FBXO36: variants seen among roughly 807,000 people sequenced by gnomAD.
FBXO36 encodes F-box protein 36.
In FBXO36, 18 loss-of-function variants were observed where a neutral mutation model predicts 17.0. The observed-to-expected ratio is 1.06, with a 90% CI of 0.73 to 1.57. The LOEUF (loss-of-function observed/expected upper bound fraction) is 1.57, where lower values mean the gene tolerates loss of function less well. Among genes scored for constraint, FBXO36 ranks in the 40% most tolerant of loss-of-function variants. The pLI, the probability that FBXO36 is intolerant of heterozygous loss-of-function variation, is 0.00. For missense variants in FBXO36, 229 were observed against 221.9 expected, an observed-to-expected ratio of 1.03 and a Z score of -0.20; for synonymous variants, 83 against 85.3, an observed-to-expected ratio of 0.97 and a Z score of 0.15.
At chr2:229,948,178 G>A (rs2077037362) in intron 1 of FBXO36, among the ~76,000 whole-genome samples, 2 of 151,978 alleles carry the variant, frequency 1.3e-5, no homozygotes, top group Non-Finnish European at 1.5e-5. Context: ...CATTTAAGAA[G>A]TTAAGGCAGA....
intron 1 of FBXO36, among the ~76,000 whole-genome samples, chr2:229,970,397 G>A (rs981444764): frequency 1.3e-5 from 2 of 152,092 alleles, no homozygotes; most frequent in African/African-American, 2.4e-5. Context: ...GGCAGAAACT[G>A]GAAACAACTC....
chr2:229,977,369 A>G (rs932504432), intron 2 of FBXO36, among the ~76,000 whole-genome samples: 2 of 152,090 alleles, frequency 1.3e-5, no homozygotes, highest in African/African-American at 2.4e-5. Context: ...TCTAAGCCCA[A>G]TTGCTTCCCA....
At chr2:230,006,716 G>A (rs762993196) in intron 3 of FBXO36, among the ~76,000 whole-genome samples, 3 of 152,142 alleles carry the variant, frequency 2.0e-5, no homozygotes, top group Non-Finnish European at 4.4e-5. Flanking sequence ...GCAGGCACAT[G>A]GTCAAGGTGT....
At chr2:229,984,241 A>G (rs1170910205) in intron 2 of FBXO36, among the ~76,000 whole-genome samples, 2 of 151,374 alleles carry the variant, frequency 1.3e-5, no homozygotes, top group Admixed American at 6.6e-5. Flanking sequence ...CCAGCTACTC[A>G]GGAGGTTGAG....
intron 1 of FBXO36, among the ~76,000 whole-genome samples, chr2:229,963,881 A>T (rs2077137728): frequency 6.6e-6 from 1 of 152,196 alleles, no homozygotes; most frequent in African/African-American, 2.4e-5. Flanking sequence ...TTTGTACCAC[A>T]GTGGTGAGTT....
chr2:229,995,105 C>G (rs981122738), intron 2 of FBXO36, among the ~76,000 whole-genome samples: 1 of 151,450 alleles, frequency 6.6e-6, no homozygotes, highest in African/African-American at 2.4e-5. Context: ...CAGAGCAAGA[C>G]TCTGTCTCAA....
intron 2 of FBXO36, among the ~76,000 whole-genome samples, chr2:229,979,070 GGGAGGCTGA>G (rs1228751306): frequency 2.0e-5 from 3 of 151,598 alleles, no homozygotes; most frequent in African/African-American, 7.3e-5. Flanking sequence ...CCTGCTGCTC[GGGAGGCTGA>G]GGATCACTTG....
At chr2:229,996,175 G>A (rs1577360917) in intron 2 of FBXO36, among the ~76,000 whole-genome samples, 5 of 151,976 alleles carry the variant, frequency 3.3e-5, no homozygotes, top group African/African-American at 9.7e-5. Flanking sequence ...CTACTTGGGA[G>A]GCTGAAATGG....
chr2:229,981,722 G>T (rs200915209), intron 2 of FBXO36, among the ~76,000 whole-genome samples: 41 of 82,072 alleles, frequency 5.0e-4, no homozygotes, highest in African/African-American at 1.2e-3. Flanking sequence ...AAAAAAGAAA[G>T]AAAGAAAAAG....
intron 1 of FBXO36, among the ~76,000 whole-genome samples, chr2:229,974,065 G>A (rs145761731): frequency 6.4e-4 from 98 of 152,182 alleles, no homozygotes; most frequent in Non-Finnish European, 1.1e-3. Context: ...CAAAAAGGAA[G>A]AAGAAAATAG....
intron 1 of FBXO36, among the ~76,000 whole-genome samples, chr2:229,975,282 C>T (rs746145636): frequency 1.6e-4 from 24 of 152,184 alleles, no homozygotes; most frequent in Admixed American, 3.3e-4. Flanking sequence ...GTCCATGTAA[C>T]TGTTGCTCTC....
intron 1 of FBXO36, among the ~76,000 whole-genome samples, chr2:229,969,820 A>C (rs530044922): frequency 6.6e-6 from 1 of 152,366 alleles, no homozygotes; most frequent in Non-Finnish European, 1.5e-5. Flanking sequence ...TATCTGACAG[A>C]GGATTAGTAT....
At chr2:229,982,011 T>A (rs1045299365) in intron 2 of FBXO36, among the ~76,000 whole-genome samples, 1 of 150,988 alleles carries the variant, frequency 6.6e-6, no homozygotes, top group Non-Finnish European at 1.5e-5. Flanking sequence ...CACACTTGAG[T>A]TTTTTGTTTT....
At chr2:229,934,354 T>C (rs1040225379) in intron 1 of FBXO36, among the ~76,000 whole-genome samples, 4 of 152,104 alleles carry the variant, frequency 2.6e-5, no homozygotes, top group African/African-American at 9.7e-5. Context: ...TGAGCCGAGA[T>C]CGCACCACTG....
At position 229,930,489 on chromosome 2, in the gene FBXO36, G is replaced by A. The variant is rs1304830606; in HGVS notation, c.96+7880G>A. ...CTTTAGGCTGGGCACGGTGACTCAC[G>A]CCTGTAATCCCAGCACTTTGAGAGG... is the stretch of plus-strand genomic sequence containing the variant. On this transcript the variant is annotated intron_variant, in intron 1 of 3. Transcript: ENST00000283946. 3.9e-5 allele frequency among the ~76,000 whole-genome samples: 6 copies of A among 151,926 alleles called. No individual in the cohort carries two copies. The South Asian group carries it at 8.3e-4, about 21-fold the overall frequency.
intron 1 of FBXO36, among the ~76,000 whole-genome samples, chr2:229,933,976 G>A (rs1040755043): frequency 2.0e-5 from 3 of 151,820 alleles, no homozygotes; most frequent in South Asian, 2.1e-4. Context: ...GTGAGTCACC[G>A]TGCCCAGCCC....
At chr2:229,997,017 T>G (rs1254639851) in intron 3 of FBXO36, 94 bp downstream of exon 3, 1 of 1,122,744 alleles carries the variant, frequency 8.9e-7, no homozygotes, top group South Asian at 1.5e-5. Flanking sequence ...GTACTAACTT[T>G]GTGATGGACA....
chr2:229,984,227 A>G (rs1180227455), intron 2 of FBXO36, among the ~76,000 whole-genome samples: 1 of 151,606 alleles, frequency 6.6e-6, no homozygotes, highest in Non-Finnish European at 1.5e-5. Flanking sequence ...ACGTGCCTGT[A>G]GTCCCAGCTA....
intron 2 of FBXO36, among the ~76,000 whole-genome samples, chr2:229,995,753 T>C (rs1049570393): frequency 3.3e-5 from 5 of 151,850 alleles, no homozygotes; most frequent in Admixed American, 3.3e-4. Context: ...CCACCACGCC[T>C]GGCTAATTTT....
Sources: allele counts gnomAD v4.1 joint callset (sites outside exome capture counted in the v4.1 genomes callset), GRCh38; gene constraint gnomAD v4.1.1; transcripts MANE v1.5; gene names NCBI Gene and HGNC (gene_info 2026-07-23, HGNC 2026-07-21).